DST: variants seen among roughly 807,000 people sequenced by gnomAD.
DST encodes bullous pemphigoid antigen.
A neutral mutation model predicts 875.2 loss-of-function variants in DST; 253 were observed. The ratio of observed to expected loss-of-function variants is 0.29; its 90% confidence interval spans 0.26 to 0.32. The LOEUF is 0.32. Among genes scored for constraint, DST ranks in the 10% least tolerant of loss-of-function variants. The pLI is 1.00. For synonymous variants in DST, 3,124 were observed against 3,197.1 expected (o/e 0.98, Z 0.77); for missense variants, 8,287 against 9,111.6 (o/e 0.91, Z 3.68).
chr6:56,558,071 A>G (rs908665470), intron 58 of DST, among the ~76,000 whole-genome samples: 4 of 152,164 alleles, frequency 2.6e-5, no homozygotes, highest in Non-Finnish European at 5.9e-5. Flanking sequence ...TAAGACTTTT[A>G]GATTTCTTTC....
chr6:56,594,000 T>A lies in DST; in HGVS notation c.12389A>T (p.His4130Leu), dbSNP rs1049126086. 1 of 1,613,694 alleles carries A rather than the reference T, an allele frequency of 6.2e-7. No individual in the cohort carries two copies. The highest frequency in any genetic ancestry group is 1.3e-5 in the African/African-American group (1 of 74,880). The change falls in exon 48 of 104, where the codon CAC becomes CTC. Residue 4130 changes from histidine to leucine, a missense_variant. By Grantham distance (99) the His-to-Leu change is moderately conservative. Coordinates refer to ENST00000680361, the MANE Select transcript of DST (RefSeq NM_001374736.1). ...AESEKKMKLT[H>L]SLQEELEKFD... Reference sequence around the variant, plus strand: ...CTTTTCTAATTCTTCCTGCAGAGAGTGAGTTAACTTCATTTTCTTCTCTGA... The same window carrying A: ...CTTTTCTAATTCTTCCTGCAGAGAGAGAGTTAACTTCATTTTCTTCTCTGA...
At chr6:56,744,132 A>C (rs1460650430) in intron 4 of DST, among the ~76,000 whole-genome samples, 2 of 151,290 alleles carry the variant, frequency 1.3e-5, no homozygotes, top group Non-Finnish European at 2.9e-5. Flanking sequence ...CTGGGCGACA[A>C]GAGTGAAACT....
chr6:56,938,149 T>C (rs1814234702), intron 2 of DST, among the ~76,000 whole-genome samples: 1 of 150,998 alleles, frequency 6.6e-6, no homozygotes. Flanking sequence ...AAAAAATTTT[T>C]TTGAGATAGA....
intron 4 of DST, among the ~76,000 whole-genome samples, chr6:56,802,274 T>C (rs1359331660): frequency 1.3e-5 from 2 of 152,152 alleles, no homozygotes; most frequent in Non-Finnish European, 2.9e-5. Flanking sequence ...CTGATATCCA[T>C]GGACAATGAG....
At chr6:56,737,588 A>T (rs537904447) in intron 4 of DST, among the ~76,000 whole-genome samples, 51 of 152,354 alleles carry the variant, frequency 3.3e-4, no homozygotes, top group African/African-American at 1.2e-3. Context: ...AGAACATTCT[A>T]ATCATCACGG....
At chr6:56,705,231 C>T (rs1003382280) in intron 5 of DST, among the ~76,000 whole-genome samples, 9 of 152,196 alleles carry the variant, frequency 5.9e-5, no homozygotes, top group African/African-American at 2.2e-4. Context: ...TCCATTTTCT[C>T]GCCTTTCAGT....
At chr6:56,833,350 A>C (rs2099789700) in intron 4 of DST, among the ~76,000 whole-genome samples, 1 of 152,200 alleles carries the variant, frequency 6.6e-6, no homozygotes, top group Non-Finnish European at 1.5e-5. Context: ...ATAGCACTAC[A>C]TCCAGGCCAT....
chr6:56,594,837 G>T (rs2098343087), intron 47 of DST, among the ~76,000 whole-genome samples: 1 of 152,312 alleles, frequency 6.6e-6, no homozygotes, highest in East Asian at 1.9e-4. Flanking sequence ...TTGCTGTTAA[G>T]GAGTACATGA....
rs920320702 is a variant in DST at position 56,614,869 on chromosome 6, C to T, written c.4930-385G>A. The stretch of plus-strand genomic sequence containing the variant: ...CATAGAAGGCTGATAGAATAGAGAA[C>T]GTCTACTGTACATGTAAGGAAAATA... On this transcript the variant is annotated intron_variant, in intron 36 of 103. Transcript: ENST00000680361. 10 of 992,674 alleles carry T rather than the reference C, an allele frequency of 1.0e-5. No individual in the cohort carries two copies. The African/African-American group carries it at 1.0e-4, about 10-fold the overall frequency. The allele number at this position is 992,674 out of a possible 1,614,324, so 61.5% of individuals were successfully genotyped here. A position where few individuals can be genotyped will look rare whatever the true frequency, so the allele number is the denominator to read the frequency against.
At chr6:56,474,055 C>T in intron 92 of DST, 53 bp from the exon 93 acceptor site, 8 of 1,483,294 alleles carry the variant, frequency 5.4e-6, no homozygotes, top group Non-Finnish European at 7.3e-6. Flanking sequence ...AGAAAACCGT[C>T]TTTAGAAATG....
intron 4 of DST, among the ~76,000 whole-genome samples, chr6:56,764,282 A>G (rs1450213142): frequency 6.6e-6 from 1 of 152,208 alleles, no homozygotes; most frequent in Non-Finnish European, 1.5e-5. Context: ...CAACAAGCAC[A>G]ATCTCCAAAA....
At chr6:56,707,148 C>T (rs2099344373) in intron 5 of DST, among the ~76,000 whole-genome samples, 1 of 152,206 alleles carries the variant, frequency 6.6e-6, no homozygotes, top group South Asian at 2.1e-4. Context: ...TCCTAACAGG[C>T]CATGGACCGG....
rs769715367 is a variant in DST, at chr6:56,609,258, G to A, written c.5370C>T (p.Asp1790=). 10 of 1,613,506 alleles carry A rather than the reference G, an allele frequency of 6.2e-6. No homozygotes were observed. The highest frequency in any genetic ancestry group is 7.6e-6 in the Non-Finnish European group (9 of 1,179,692). The change falls in exon 40 of 104, where the codon GAC becomes GAT. Residue 1790 remains aspartate (D), a synonymous_variant. Coordinates refer to ENST00000680361, the MANE Select transcript of DST (RefSeq NM_001374736.1). ...VFQAVLRGLI[D]YDTGIRLLET... ...CAAGCAACCTAATTCCTGTGTCATA[G>A]TCAATGAGGCCTCTTAAAACTGCTT...
At chr6:56,473,169 G>A (rs1304714686) in intron 93 of DST, among the ~76,000 whole-genome samples, 1 of 152,164 alleles carries the variant, frequency 6.6e-6, no homozygotes, top group African/African-American at 2.4e-5. Flanking sequence ...TCTCAGTTTG[G>A]TAAGTGTTGG....
Position 56,517,278 on chromosome 6 carries a change from T to A in DST, c.18277A>T (p.Lys6093Ter), listed in dbSNP as rs1213594938. 6.2e-7 allele frequency: 1 copy of A among 1,612,976 alleles called. No individual in the cohort carries two copies. The highest frequency in any genetic ancestry group is 8.5e-7 in the Non-Finnish European group (1 of 1,179,574). ...KTFTMEILRH[K>*]DIIDDLVKSG... ...TTAACAAGGTCATCAATAATATCCT[T>A]GTGTCTCAAAATCTCCATGGTGAAT... The change falls in exon 71 of 104, where the codon AAG (lysine) becomes TAG (stop). Residue 6093 changes from lysine (K) to a stop codon, truncating the protein, a stop_gained. Transcript: ENST00000680361. LOFTEE classifies it high-confidence loss of function.
intron 4 of DST, among the ~76,000 whole-genome samples, chr6:56,818,093 T>C (rs1346163121): frequency 6.6e-6 from 1 of 152,184 alleles, no homozygotes; most frequent in South Asian, 2.1e-4. Context: ...CCCAACAATG[T>C]CCAGAAGGAA....
At chr6:56,874,713 G>A (rs1041817606) in intron 3 of DST, among the ~76,000 whole-genome samples, 1 of 152,054 alleles carries the variant, frequency 6.6e-6, no homozygotes, top group East Asian at 1.9e-4. Context: ...CGTTCTAATC[G>A]CTCCACATGC....
At chr6:56,737,038 A>G (rs2099527689) in intron 4 of DST, among the ~76,000 whole-genome samples, 1 of 152,062 alleles carries the variant, frequency 6.6e-6, no homozygotes, top group Non-Finnish European at 1.5e-5. Flanking sequence ...ACAAAAAAAT[A>G]CAAAAATTAG....
rs778309897 is a variant in DST, at chr6:56,463,629, G to A, written c.22895C>T (p.Thr7632Ile). Residue 7632 changes from threonine to isoleucine, a missense_variant, in exon 101 of 104, where the codon ACT becomes ATT. By Grantham distance (89) the Thr-to-Ile change is moderately conservative. Around this residue, in one of 10 missense-constraint regions of DST, gnomAD observed 240 missense variants for 237.3 expected, o/e 1.01. Transcript: ENST00000680361. ...SSRGASPNRSTSVSSQAAQAA... is the reference protein window; with the variant it reads ...SSRGASPNRSISVSSQAAQAA... ...CTGCGCAGCCTGACTGGACACAGAA[G>A]TGGATCTGTTGGGTGAAGCGCCTCG... The A allele has an allele frequency of 1.2e-6, 2 of 1,613,640 alleles. No homozygotes were observed. Among genetic ancestry groups the A allele is most frequent in the East Asian group, 2.2e-5 (1 of 44,854 alleles).
Sources: allele counts gnomAD v4.1 joint callset (sites outside exome capture counted in the v4.1 genomes callset), GRCh38; gene constraint gnomAD v4.1.1; regional missense constraint gnomAD v4.1.1; transcripts MANE v1.5; gene names NCBI Gene and HGNC (gene_info 2026-07-23, HGNC 2026-07-21).